The following SORCS2 variants were observed in gnomAD, a reference collection of about 807,000 sequenced individuals.
The protein encoded by SORCS2 is sortilin related VPS10 domain containing receptor 2.
A neutral mutation model predicts 141.6 loss-of-function variants in SORCS2; 100 were observed. The observed-to-expected ratio is 0.71, with a 90% CI of 0.60 to 0.83. The LOEUF is 0.83. SORCS2 is among the 40% of genes least tolerant of loss of function. The pLI is 0.00. For synonymous variants in SORCS2, 789 were observed against 676.9 expected (o/e 1.17, Z -2.57); for missense variants, 1,646 against 1,560.2 (o/e 1.05, Z -0.93).
chr4:7,367,628 T>G (rs1381768468), intron 1 of SORCS2, among the ~76,000 whole-genome samples: 3 of 152,176 alleles, frequency 2.0e-5, no homozygotes. Flanking sequence ...ATCAGTAGGA[T>G]TTGCCCCCAT....
chr4:7,692,810 G>A (rs541251177), intron 11 of SORCS2, among the ~76,000 whole-genome samples: 11 of 152,290 alleles, frequency 7.2e-5, no homozygotes, highest in Non-Finnish European at 1.3e-4. Flanking sequence ...AGAGGGCACC[G>A]CGTGTGCAGG....
chr4:7,242,974 C>T (rs1240029689), intron 1 of SORCS2, among the ~76,000 whole-genome samples: 4 of 152,224 alleles, frequency 2.6e-5, no homozygotes, highest in African/African-American at 9.6e-5. Context: ...AGCAGTGACA[C>T]ATGCTGGTGA....
chr4:7,226,247 G>T (rs1164562985), intron 1 of SORCS2, among the ~76,000 whole-genome samples: 1 of 152,136 alleles, frequency 6.6e-6, no homozygotes, highest in African/African-American at 2.4e-5. Context: ...GCCTCACTGA[G>T]CCCCTTTGGG....
intron 1 of SORCS2, among the ~76,000 whole-genome samples, chr4:7,270,482 G>A (rs916990200): frequency 3.9e-5 from 6 of 152,192 alleles, no homozygotes; most frequent in African/African-American, 1.4e-4. Context: ...TCCCTCCAGC[G>A]CTTCCTCTGA....
At chr4:7,283,265 G>A (rs1020049658) in intron 1 of SORCS2, among the ~76,000 whole-genome samples, 5 of 152,210 alleles carry the variant, frequency 3.3e-5, no homozygotes, top group East Asian at 1.9e-4. Context: ...GAGGAAGTTC[G>A]AGGACAGTTT....
chr4:7,540,183 TCC>T (rs1712503865), intron 3 of SORCS2, among the ~76,000 whole-genome samples: 1 of 51,518 alleles, frequency 1.9e-5, no homozygotes, highest in Non-Finnish European at 3.7e-5. Flanking sequence ...TCCCTGCCCC[TCC>T]CTGCCCCTCC....
Position 7,714,369 on chromosome 4 carries a change from C to A in SORCS2, c.2119C>A (p.Leu707Met). 1 of 1,552,264 alleles carries A rather than the reference C, an allele frequency of 6.4e-7. No individual in the cohort carries two copies. The highest frequency in any genetic ancestry group is 2.4e-5 in the East Asian group (1 of 40,984). The change falls in exon 16 of 27, where the codon CTG becomes ATG. Residue 707 changes from leucine (L) to methionine (M), a missense_variant. By Grantham distance (15) the Leu-to-Met change is conservative (BLOSUM62 2). Transcript: ENST00000507866. ...GTGCGAGTGCCGGGACTCGGACTTC[C>A]TGTGGTGAGCGACGGGCTCCTGGCC... is the stretch of plus-strand genomic sequence containing the variant. The part of the protein sequence containing the change: ...RVCECRDSDF[L>M]CDYGFERSSS...
At chr4:7,728,487 C>A (rs758417601) in intron 22 of SORCS2, 25 bp downstream of exon 22, 10 of 1,553,642 alleles carry the variant, frequency 6.4e-6, no homozygotes, top group South Asian at 1.2e-5. Context: ...CCTAGAGCCT[C>A]CCCAGCCCCA....
At chr4:7,729,499 A>T (rs1727454461) in intron 22 of SORCS2, 88 bp from the exon 23 acceptor site, 2 of 1,488,862 alleles carry the variant, frequency 1.3e-6, no homozygotes, top group Non-Finnish European at 1.8e-6. Flanking sequence ...ACAGGCCAAG[A>T]AGGGAGAGAG....
At chr4:7,317,444 A>C (rs1450353837) in intron 1 of SORCS2, among the ~76,000 whole-genome samples, 2 of 152,188 alleles carry the variant, frequency 1.3e-5, no homozygotes, top group Non-Finnish European at 2.9e-5. Context: ...GATTGGTGCG[A>C]TGTTCCAGGC....
chr4:7,416,366 T>C (rs1238212236), intron 2 of SORCS2, among the ~76,000 whole-genome samples: 1 of 152,146 alleles, frequency 6.6e-6, no homozygotes, highest in Non-Finnish European at 1.5e-5. Flanking sequence ...CAGGACACAG[T>C]TGAGTGCAAA....
At chr4:7,209,679 G>GTTT (rs761057862) in intron 1 of SORCS2, among the ~76,000 whole-genome samples, 4 of 147,092 alleles carry the variant, frequency 2.7e-5, no homozygotes, top group Middle Eastern at 3.6e-3. Flanking sequence ...CTTCCAATCT[G>GTTT]TTTTTTTTTT....
intron 23 of SORCS2, among the ~76,000 whole-genome samples, chr4:7,730,034 G>T (rs1317920202): frequency 2.0e-4 from 31 of 152,194 alleles, no homozygotes; most frequent in Admixed American, 1.8e-3. Flanking sequence ...CAGGAGCACT[G>T]GGAAATGAGG....
chr4:7,619,241 C>T (rs1054411058), intron 3 of SORCS2, among the ~76,000 whole-genome samples: 1 of 152,164 alleles, frequency 6.6e-6, no homozygotes, highest in Non-Finnish European at 1.5e-5. Context: ...CCAGTGGCAG[C>T]GAATGATGGC....
intron 3 of SORCS2, among the ~76,000 whole-genome samples, chr4:7,637,709 ATGAG>A (rs1002361028): frequency 4.6e-5 from 7 of 150,652 alleles, no homozygotes; most frequent in Admixed American, 4.0e-4. Flanking sequence ...GAATGAATGA[ATGAG>A]TGAATGAATG....
chr4:7,416,550 A>C (rs1055077853), intron 2 of SORCS2, among the ~76,000 whole-genome samples: 1 of 152,128 alleles, frequency 6.6e-6, no homozygotes, highest in South Asian at 2.1e-4. Context: ...CCACACGTGC[A>C]TGCATGTGCA....
At chr4:7,327,202 A>G (rs891853686) in intron 1 of SORCS2, among the ~76,000 whole-genome samples, 3 of 152,106 alleles carry the variant, frequency 2.0e-5, no homozygotes, top group African/African-American at 7.2e-5. Flanking sequence ...CCTGTTCTGG[A>G]GGCAGAGGTC....
chr4:7,482,734 C>T (rs1234276507), intron 2 of SORCS2, among the ~76,000 whole-genome samples: 2 of 132,178 alleles, frequency 1.5e-5, no homozygotes, highest in South Asian at 2.8e-4. Context: ...CCTGTATCCC[C>T]GCTGCGGACA....
intron 3 of SORCS2, among the ~76,000 whole-genome samples, chr4:7,548,180 C>G (rs1713416670): frequency 6.6e-6 from 1 of 152,192 alleles, no homozygotes; most frequent in African/African-American, 2.4e-5. Flanking sequence ...TATTACCAAC[C>G]TTGCTTTTTC....
Sources: allele counts gnomAD v4.1 joint callset (sites outside exome capture counted in the v4.1 genomes callset), GRCh38; gene constraint gnomAD v4.1.1; transcripts MANE v1.5; gene names NCBI Gene and HGNC (gene_info 2026-07-23, HGNC 2026-07-21).